The following DISC1 variants were observed in gnomAD, a reference collection of about 807,000 sequenced individuals.
The protein encoded by DISC1 is disrupted in schizophrenia 1 protein.
A neutral mutation model predicts 84.5 loss-of-function variants in DISC1; 57 were observed. The ratio of observed to expected loss-of-function variants is 0.67; its 90% CI spans 0.55 to 0.84. The LOEUF (loss-of-function observed/expected upper bound fraction) is 0.84, where lower values mean the gene tolerates loss of function less well. DISC1 is among the 40% of genes least tolerant of loss of function. The probability of loss-of-function intolerance (pLI) is 0.00; values close to 1 mark genes in which losing one functional copy is unlikely to be tolerated. For missense variants in DISC1, 1,000 were observed against 1,057.8 expected (o/e 0.95, Z 0.76); for synonymous variants, 411 against 415.2 (o/e 0.99, Z 0.12).
At chr1:231,829,166 A>T (rs1160918856) in intron 9 of DISC1, among the ~76,000 whole-genome samples, 1 of 152,228 alleles carries the variant, frequency 6.6e-6, no homozygotes, top group Non-Finnish European at 1.5e-5. Flanking sequence ...TGACCCAAAG[A>T]ATGCAGTCAT....
chr1:231,657,610 TTGG>T (rs940973001), intron 1 of DISC1, among the ~76,000 whole-genome samples: 31 of 152,232 alleles, frequency 2.0e-4, no homozygotes, highest in African/African-American at 7.5e-4. Flanking sequence ...TTTTATAGTT[TTGG>T]GTTTTACACT....
rs1439103146 is a variant in DISC1, at chr1:231,933,692, T to A, written c.1982-25136T>A. Among the ~76,000 whole-genome samples the A allele has an allele frequency of 2.6e-5, 4 of 152,228 alleles. No individual in the cohort carries two copies. The East Asian group carries it at 7.7e-4, about 29-fold the overall frequency. On this transcript the variant is annotated intron_variant, in intron 9 of 12. Coordinates refer to ENST00000439617, the MANE Select transcript of DISC1 (RefSeq NM_018662.3). ...CAGAAAAAAAATTTTCCAACCTCCT[T>A]TTAACCTGGCATCTTTTAAAATTAA... is the stretch of plus-strand genomic sequence containing the variant.
At chr1:231,998,560 C>A (rs1666263424) in intron 10 of DISC1, among the ~76,000 whole-genome samples, 1 of 152,078 alleles carries the variant, frequency 6.6e-6, no homozygotes, top group African/African-American at 2.4e-5. Flanking sequence ...CTCAATAGAA[C>A]ACATAATACA....
At chr1:231,856,987 G>A (rs1344173864) in intron 9 of DISC1, among the ~76,000 whole-genome samples, 2 of 152,206 alleles carry the variant, frequency 1.3e-5, no homozygotes, top group African/African-American at 2.4e-5. Flanking sequence ...CATCCACAGC[G>A]AGGTGCTCAG....
chr1:231,667,653 G>A (rs1158278226), intron 1 of DISC1, among the ~76,000 whole-genome samples: 1 of 152,150 alleles, frequency 6.6e-6, no homozygotes, highest in African/African-American at 2.4e-5. Context: ...TGAGATTGTT[G>A]GTGTTGGAAA....
chr1:231,722,793 T>C, intron 3 of DISC1: 14 of 1,456,140 alleles, frequency 9.6e-6, no homozygotes, highest in Non-Finnish European at 1.2e-5. Flanking sequence ...ATGCTGGCCA[T>C]GGGCTTGAAA....
intron 11 of DISC1, among the ~76,000 whole-genome samples, chr1:232,017,399 A>T (rs922005365): frequency 2.0e-5 from 3 of 151,788 alleles, no homozygotes; most frequent in Admixed American, 2.0e-4. Flanking sequence ...AATTTTTTTA[A>T]AAAACTTAAA....
chr1:231,935,228 A>G (rs2090907310), intron 9 of DISC1, among the ~76,000 whole-genome samples: 1 of 152,128 alleles, frequency 6.6e-6, no homozygotes, highest in African/African-American at 2.4e-5. Flanking sequence ...ATTTGGAAAC[A>G]CCATTGGGTG....
chr1:231,653,877 T>C (rs763825159), intron 1 of DISC1, among the ~76,000 whole-genome samples: 21 of 152,150 alleles, frequency 1.4e-4, no homozygotes, highest in Non-Finnish European at 2.8e-4. Flanking sequence ...CAATTTTCAA[T>C]GAAGCAGGGA....
intron 3 of DISC1, among the ~76,000 whole-genome samples, chr1:231,739,575 C>T (rs865953883): frequency 6.6e-6 from 1 of 152,182 alleles, no homozygotes; most frequent in Non-Finnish European, 1.5e-5. Flanking sequence ...GCCACCTTTT[C>T]TGCACAGGAA....
chr1:231,713,779 G>GAT (rs370490354), intron 3 of DISC1, among the ~76,000 whole-genome samples: 32 of 103,938 alleles, frequency 3.1e-4, no homozygotes, highest in Non-Finnish European at 3.9e-4. Context: ...ATATATAGGA[G>GAT]ATATATATAT....
intron 6 of DISC1, among the ~76,000 whole-genome samples, chr1:231,772,630 G>A (rs2076641112): frequency 6.6e-6 from 1 of 152,196 alleles, no homozygotes; most frequent in East Asian, 1.9e-4. Context: ...TCTCAGCAGA[G>A]CCTGGATGGT....
At chr1:231,738,807 G>A (rs1021446740) in intron 3 of DISC1, among the ~76,000 whole-genome samples, 6 of 152,070 alleles carry the variant, frequency 3.9e-5, no homozygotes, top group Non-Finnish European at 7.4e-5. Context: ...CTATTCAATG[G>A]GCTGTACTTT....
chr1:231,937,587 G>T (rs2091056363), intron 9 of DISC1, among the ~76,000 whole-genome samples: 1 of 152,358 alleles, frequency 6.6e-6, no homozygotes, highest in African/African-American at 2.4e-5. Flanking sequence ...CCCGGCCAGG[G>T]TTACAGCACC....
intron 1 of DISC1, among the ~76,000 whole-genome samples, chr1:231,679,782 G>A (rs202092978): frequency 4.8e-4 from 73 of 152,298 alleles, no homozygotes; most frequent in Non-Finnish European, 9.7e-4. Context: ...TCTTCCATAA[G>A]GTATTAATTG....
chr1:231,764,897 A>G (rs1237931533), intron 4 of DISC1, among the ~76,000 whole-genome samples: 1 of 152,142 alleles, frequency 6.6e-6, no homozygotes, highest in East Asian at 1.9e-4. Context: ...TTTCATTTAA[A>G]ACTATCTTTG....
At chr1:231,713,663 T>C (rs562494107) in intron 3 of DISC1, among the ~76,000 whole-genome samples, 2 of 146,502 alleles carry the variant, frequency 1.4e-5, no homozygotes, top group South Asian at 4.3e-4. Flanking sequence ...AAGGGACCTC[T>C]AGGACATCAT....
chr1:231,642,478 C>T (rs932177416), intron 1 of DISC1, among the ~76,000 whole-genome samples: 1 of 152,234 alleles, frequency 6.6e-6, no homozygotes, highest in Non-Finnish European at 1.5e-5. Flanking sequence ...TCGTGAGTAT[C>T]TCTAGTGCTG....
intron 1 of DISC1, among the ~76,000 whole-genome samples, chr1:231,687,879 G>A (rs2064491574): frequency 6.6e-6 from 1 of 152,044 alleles, no homozygotes; most frequent in Non-Finnish European, 1.5e-5. Flanking sequence ...ACAACAATGT[G>A]AATGTACTTA....
Sources: gnomAD v4.1 joint callset for allele counts (sites outside exome capture counted in the v4.1 genomes callset) on GRCh38, gnomAD v4.1.1 for gene constraint, MANE v1.5 for transcripts, NCBI Gene and HGNC (gene_info 2026-07-23, HGNC 2026-07-21) for gene names.